PHYKPL: variants seen among roughly 807,000 people sequenced by gnomAD.
PHYKPL encodes 5-phosphohydroxy-L-lysine phospho-lyase.
PHYKPL carries 42 observed loss-of-function variants against 51.3 expected under a neutral mutation model. That is an observed-to-expected ratio of 0.82 (90% confidence interval 0.64 to 1.06). The LOEUF is 1.06. Among genes scored for constraint, PHYKPL ranks in the 50% least tolerant of loss-of-function variants. PHYKPL has a pLI of 0.00. For synonymous variants in PHYKPL, 264 were observed against 236.0 expected (o/e 1.12, Z -1.09); for missense variants, 655 against 586.6 (o/e 1.12, Z -1.20).
intron 6 of PHYKPL, chr5:178,224,043 C>T (rs906013680): frequency 2.6e-4 from 52 of 196,248 alleles, no homozygotes; most frequent in Admixed American, 2.0e-3. Context: ...TGCTGCCGCC[C>T]AGCATAGTTC....
intron 12 of PHYKPL, 99 bp downstream of exon 12, chr5:178,211,791 A>G: frequency 1.3e-6 from 1 of 783,578 alleles, no homozygotes; most frequent in Non-Finnish European, 2.1e-6. Flanking sequence ...CAGAACAAAA[A>G]AAAGTCTTAA....
intron 8 of PHYKPL, among the ~76,000 whole-genome samples, chr5:178,218,366 G>A (rs1760393995): frequency 6.6e-6 from 1 of 152,174 alleles, no homozygotes; most frequent in South Asian, 2.1e-4. Context: ...GTAACTTGCA[G>A]TGAATTGAAT....
chr5:178,210,381 T>C, intron 12 of PHYKPL: 2 of 1,582,826 alleles, frequency 1.3e-6, no homozygotes, highest in Non-Finnish European at 1.7e-6. Context: ...CAGGCCTGGC[T>C]CAGCCATGGG....
chr5:178,214,116 A>T (rs918191888), intron 10 of PHYKPL, among the ~76,000 whole-genome samples: 1 of 152,208 alleles, frequency 6.6e-6, no homozygotes, highest in African/African-American at 2.4e-5. Context: ...ATTTACATCA[A>T]TACCACGCGT....
intron 8 of PHYKPL, among the ~76,000 whole-genome samples, chr5:178,217,940 G>A (rs377695673): frequency 1.3e-5 from 2 of 150,806 alleles, no homozygotes; most frequent in South Asian, 2.1e-4. Flanking sequence ...AGTCATGTCT[G>A]GGCGCGGTGG....
rs1276805587 is a variant in PHYKPL, at chr5:178,224,711, C to T, written c.432G>A (p.Leu144=). 1.2e-6 allele frequency: 2 copies of T among 1,614,020 alleles called. No individual in the cohort carries two copies. Among genetic ancestry groups the T allele is most frequent in the Non-Finnish European group, 1.7e-6 (2 of 1,179,910 alleles). The change falls in exon 5 of 13, where the codon CTG becomes CTA. Residue 144 remains leucine (L), a synonymous_variant. Coordinates refer to ENST00000308158, the MANE Select transcript of PHYKPL (RefSeq NM_153373.4). ...VVLDHAYHGH[L]SSLIDISPYK... ...AGGGACTGATGTCAATCAGGGAGCTCAGGTGGCCGTGATACGCACTGGGGA... is the reference window on the plus strand; with the variant it reads ...AGGGACTGATGTCAATCAGGGAGCTTAGGTGGCCGTGATACGCACTGGGGA...
chr5:178,222,588 AGAG>A lies in PHYKPL; in HGVS notation c.702-11_702-9del, dbSNP rs767510625. On this transcript the variant is annotated splice_polypyrimidine_tract_variant and intron_variant, in intron 7 of 12. Transcript: ENST00000308158. ...CCGGCCTTGCGGATGTGCCTGTGGC[AGAG>A]GAGATGACTGACACGGGGGCTGTGG... 74 of 1,613,250 alleles carry A rather than the reference AGAG, an allele frequency of 4.6e-5. No individual in the cohort carries two copies. The Middle Eastern group carries it at 4.9e-4, about 11-fold the overall frequency.
chr5:178,225,371 C>A lies in PHYKPL; in HGVS notation c.397G>T (p.Val133Leu). 1 of 1,614,204 alleles carries A rather than the reference C, an allele frequency of 6.2e-7. No homozygotes were observed. Among genetic ancestry groups the A allele is most frequent in the Non-Finnish European group, 8.5e-7 (1 of 1,180,044 alleles). ...LARHYTGHQD[V>L]VVLDHAYHGH... ...TGCACTTACTGATCTAATACCACCA[C>A]GTCCTGGTGTCCCGTGTAGTGGCGA... The change falls in exon 4 of 13, where the codon GTG becomes TTG. Residue 133 changes from valine (V) to leucine (L), a missense_variant. Transcript: ENST00000308158.
At chr5:178,211,357 G>C (rs1758341674) in intron 12 of PHYKPL, 2 of 154,026 alleles carry the variant, frequency 1.3e-5, no homozygotes, top group Non-Finnish European at 2.9e-5. Flanking sequence ...AAAGGAATGA[G>C]AGGCCTATGG....
rs770532947 is a variant in PHYKPL, at chr5:178,210,253, C to T, written c.*32-1338G>A. The T allele has an allele frequency of 3.8e-5, 62 of 1,613,800 alleles. No individual in the cohort carries two copies. Among genetic ancestry groups the T allele is most frequent in the South Asian group, 1.5e-4 (14 of 91,078 alleles). The stretch of plus-strand genomic sequence containing the variant: ...ACTCGCCCTATGGCTATTACGGCTA[C>T]GGCCCCGGCTACGACTACAGTAAGT... On this transcript the variant is annotated intron_variant, in intron 12 of 12. Coordinates refer to ENST00000308158, the MANE Select transcript of PHYKPL (RefSeq NM_153373.4).
At chr5:178,222,613 G>A in intron 7 of PHYKPL, 33 bp from the exon 8 acceptor site, 2 of 1,604,312 alleles carry the variant, frequency 1.2e-6, no homozygotes, top group Non-Finnish European at 1.7e-6. Context: ...CACGGGGGCT[G>A]TGGTTGAGAG....
chr5:178,220,628 A>G (rs891237833), intron 8 of PHYKPL, among the ~76,000 whole-genome samples: 10 of 152,036 alleles, frequency 6.6e-5, no homozygotes, highest in Non-Finnish European at 1.2e-4. Context: ...TGGGCCAGCA[A>G]TTCCACCCTC....
At chr5:178,224,924 T>C (rs1312507331) in intron 4 of PHYKPL, 195 bp from the exon 5 acceptor site, 2 of 582,690 alleles carry the variant, frequency 3.4e-6, no homozygotes, top group Non-Finnish European at 6.1e-6. Context: ...TGACTGGCTA[T>C]GTGACAGCAG....
chr5:178,227,710 A>G (rs1162817799), intron 3 of PHYKPL, among the ~76,000 whole-genome samples: 1 of 152,122 alleles, frequency 6.6e-6, no homozygotes. Context: ...TTTTAATGAG[A>G]AAAGGGACAT....
chr5:178,217,347 AC>A (rs1183043672), intron 8 of PHYKPL, among the ~76,000 whole-genome samples: 1 of 151,768 alleles, frequency 6.6e-6, no homozygotes, highest in Admixed American at 6.6e-5. Flanking sequence ...CAGCCTCCCA[AC>A]TAGCTGGGAC....
At chr5:178,230,516 C>G (rs947684516) in intron 2 of PHYKPL, 2 of 157,284 alleles carry the variant, frequency 1.3e-5, no homozygotes, top group Non-Finnish European at 2.8e-5. Context: ...GTCACCATGC[C>G]TGGCTAATTT....
At position 178,231,526 on chromosome 5, in the gene PHYKPL, G is replaced by A; in HGVS notation, c.60-3C>T. The A allele has an allele frequency of 1.9e-6, 3 of 1,614,184 alleles. No homozygotes were observed. The highest frequency in any genetic ancestry group is 2.5e-6 in the Non-Finnish European group (3 of 1,180,012). On this transcript the variant is annotated splice_region_variant and splice_polypyrimidine_tract_variant and intron_variant, in intron 1 of 12. Transcript: ENST00000308158. ...GAAAAAAGAGTCTGCAGGAAGAGCT[G>A]TGGGGACAGGCAAGGAGTGGACAGC... is the stretch of plus-strand genomic sequence containing the variant.
At chr5:178,227,247 G>A (rs1286906112) in intron 3 of PHYKPL, among the ~76,000 whole-genome samples, 2 of 152,174 alleles carry the variant, frequency 1.3e-5, no homozygotes, top group Admixed American at 6.5e-5. Context: ...AGACACCAGG[G>A]ACACCTGCAC....
intron 12 of PHYKPL, chr5:178,209,984 G>A: frequency 2.9e-6 from 3 of 1,026,260 alleles, no homozygotes; most frequent in Non-Finnish European, 4.1e-6. Context: ...GTTGGGCCCA[G>A]GGCCCTTATA....
Sources: allele counts gnomAD v4.1 joint callset (sites outside exome capture counted in the v4.1 genomes callset), GRCh38; gene constraint gnomAD v4.1.1; transcripts MANE v1.5; gene names NCBI Gene and HGNC (gene_info 2026-07-23, HGNC 2026-07-21).